GRIK4: variants seen among roughly 807,000 people sequenced by gnomAD.
GRIK4 encodes glutamate ionotropic receptor kainate type subunit 4, also known as glutamate receptor ionotropic, kainate 4.
In GRIK4, 40 loss-of-function variants were observed where a neutral mutation model predicts 104.9. The observed-to-expected ratio is 0.38, with a 90% CI of 0.30 to 0.50. The LOEUF (loss-of-function observed/expected upper bound fraction) is 0.50. Ranked by LOEUF, GRIK4 falls within the 20% of genes least tolerant of loss-of-function variation. GRIK4 has a pLI of 0.93. For missense variants in GRIK4, 1,047 were observed against 1,308.1 expected (o/e 0.80, Z 3.08); for synonymous variants, 485 against 524.9 (o/e 0.92, Z 1.04).
chr11:120,896,143 C>T (rs1345665665), intron 11 of GRIK4, among the ~76,000 whole-genome samples: 1 of 152,200 alleles, frequency 6.6e-6, no homozygotes, highest in Admixed American at 6.5e-5. Flanking sequence ...ACAGGCTGCT[C>T]ATGGGGAAGA....
intron 6 of GRIK4, among the ~76,000 whole-genome samples, chr11:120,831,080 CT>C (rs1316351563): frequency 2.6e-5 from 4 of 152,074 alleles, no homozygotes; most frequent in African/African-American, 9.7e-5. Flanking sequence ...TGCACAGTCC[CT>C]TTTTTCTGTT....
In GRIK4 at chr11:120,902,887, CTA is replaced by C. The variant is rs567414284; in HGVS notation, c.1273-2401_1273-2400del. On this transcript the variant is annotated intron_variant, in intron 12 of 20. Coordinates refer to ENST00000527524, the MANE Select transcript of GRIK4 (RefSeq NM_014619.5). This position sits in a 1 kb window ranked among gnomAD's most constrained non-coding sequence, Gnocchi z 4.5. ...TGTGTGGAAGGCAGGCTGACCGTTC[CTA>C]TCTCATTGACGTGACAGTGGACTCA... Among the ~76,000 whole-genome samples the C allele has an allele frequency of 3.6e-4, 55 of 152,230 alleles. No individual in the cohort carries two copies. The highest frequency in any genetic ancestry group is 1.7e-3 in the South Asian group (8 of 4,824).
At chr11:120,656,063 G>A (rs1949705914) in intron 2 of GRIK4, among the ~76,000 whole-genome samples, 1 of 152,316 alleles carries the variant, frequency 6.6e-6, no homozygotes, top group East Asian at 1.9e-4. Context: ...GAGCAACCTG[G>A]TGCTCTAACT....
At chr11:120,747,400 C>A (rs368772907) in intron 3 of GRIK4, among the ~76,000 whole-genome samples, 1 of 152,188 alleles carries the variant, frequency 6.6e-6, no homozygotes, top group Admixed American at 6.5e-5. Context: ...TCTCCTCCCC[C>A]GCTAGGGTGT....
At chr11:120,534,606 G>A (rs1388470204) in intron 1 of GRIK4, among the ~76,000 whole-genome samples, 5 of 152,210 alleles carry the variant, frequency 3.3e-5, no homozygotes, top group African/African-American at 9.7e-5. Context: ...TAGAATGGGG[G>A]ATAGTCCATG....
At chr11:120,674,796 A>T (rs568122737) in intron 3 of GRIK4, among the ~76,000 whole-genome samples, 16 of 152,376 alleles carry the variant, frequency 1.1e-4, no homozygotes, top group African/African-American at 3.8e-4. Flanking sequence ...GGGCCCCCAC[A>T]GGAATCTCTG....
rs769032108 is a variant in GRIK4, at chr11:120,769,698, G to A, written c.83-32995G>A. Among the ~76,000 whole-genome samples the A allele has an allele frequency of 4.2e-4, 64 of 152,168 alleles. 1 individual carries two copies. The highest frequency in any genetic ancestry group is 1.9e-4 in the Non-Finnish European group (13 of 68,016). ...TAATAAGAGCTCATTCCTGGAGCGT[G>A]GTTTCAGTCCCTAAATTATGTTGCT... On this transcript the variant is annotated intron_variant, in intron 3 of 20. Transcript: ENST00000527524.
rs1484342919 is a variant in GRIK4 at position 120,524,045 on chromosome 11, G to A, written c.-159+12158G>A. On this transcript the variant is annotated intron_variant, in intron 1 of 20. Coordinates refer to ENST00000527524, the MANE Select transcript of GRIK4 (RefSeq NM_014619.5). The surrounding 1 kb of genome is among the most constrained non-coding windows in gnomAD (Gnocchi z 4.5). ...AGGTTCAAGTGATTCCCCTGCCTCA[G>A]CCTCCCGAGTAGCTGGGACTACAGG... Among the ~76,000 whole-genome samples the A allele has an allele frequency of 1.3e-5, 2 of 151,750 alleles. No homozygotes were observed. The highest frequency in any genetic ancestry group is 4.8e-5 in the African/African-American group (2 of 41,252).
chr11:120,520,311 C>T (rs1161285587), intron 1 of GRIK4, among the ~76,000 whole-genome samples: 3 of 152,242 alleles, frequency 2.0e-5, no homozygotes, highest in East Asian at 1.9e-4. Context: ...TCAGCAGGCG[C>T]GGAGAATGAG....
intron 1 of GRIK4, among the ~76,000 whole-genome samples, chr11:120,627,366 G>A (rs982399746): frequency 7.2e-5 from 11 of 152,238 alleles, no homozygotes; most frequent in Admixed American, 6.5e-4. Flanking sequence ...ACCAGGCTAG[G>A]AGTGGAAACC....
intron 1 of GRIK4, among the ~76,000 whole-genome samples, chr11:120,525,569 C>G (rs942671372): frequency 3.9e-5 from 6 of 152,182 alleles, no homozygotes; most frequent in Admixed American, 3.9e-4. Context: ...AGGGGTGTTA[C>G]AGAAACCATA....
chr11:120,953,506 C>T lies in GRIK4; in HGVS notation c.1700+542C>T, dbSNP rs986331594. Among the ~76,000 whole-genome samples the T allele has an allele frequency of 6.6e-6, 1 of 152,174 alleles. No individual in the cohort carries two copies. The highest frequency in any genetic ancestry group is 2.4e-5 in the African/African-American group (1 of 41,426). ...GGCCTGCCTCTGAAAACACAGCTGCCTTGTCGAATGGGAACCATGGAGGCT... is the reference window on the plus strand; with the variant it reads ...GGCCTGCCTCTGAAAACACAGCTGCTTTGTCGAATGGGAACCATGGAGGCT... On this transcript the variant is annotated intron_variant, in intron 15 of 20. Coordinates refer to ENST00000527524, the MANE Select transcript of GRIK4 (RefSeq NM_014619.5). The surrounding 1 kb of genome is among the most constrained non-coding windows in gnomAD (Gnocchi z 4.9).
At chr11:120,898,906 G>A (rs1942658722) in intron 12 of GRIK4, among the ~76,000 whole-genome samples, 1 of 152,196 alleles carries the variant, frequency 6.6e-6, no homozygotes, top group Non-Finnish European at 1.5e-5. Flanking sequence ...TGGGGCAACT[G>A]TGCAGGAGGA....
chr11:120,831,940 C>T lies in GRIK4; in HGVS notation c.600C>T (p.Pro200=), dbSNP rs1178794637. 3.1e-6 allele frequency: 5 copies of T among 1,613,814 alleles called. No homozygotes were observed. The highest frequency in any genetic ancestry group is 4.2e-6 in the Non-Finnish European group (5 of 1,179,890). ...SVRMLDDTRD[P]TPLLKEIRDD... ...GCATGCTGGATGACACCCGGGACCC[C>T]ACCCCGCTCCTCAAGGAGATCCGGG... is the stretch of plus-strand genomic sequence containing the variant. The change falls in exon 7 of 21, where the codon CCC becomes CCT. Residue 200 remains proline (P), a synonymous_variant. Transcript: ENST00000527524.
At chr11:120,736,424 A>C in intron 3 of GRIK4, among the ~76,000 whole-genome samples, 1 of 139,152 alleles carries the variant, frequency 7.2e-6, no homozygotes, top group East Asian at 2.0e-4. Flanking sequence ...TCCCTTGGTC[A>C]CTTCGACTGG....
At chr11:120,750,433 C>G (rs1951530104) in intron 3 of GRIK4, among the ~76,000 whole-genome samples, 1 of 129,552 alleles carries the variant, frequency 7.7e-6, no homozygotes, top group African/African-American at 3.0e-5. Flanking sequence ...GTGGTGTGAT[C>G]TGAGGTCACT....
chr11:120,820,545 C>T (rs1388174911), intron 6 of GRIK4, among the ~76,000 whole-genome samples: 5 of 152,230 alleles, frequency 3.3e-5, no homozygotes, highest in African/African-American at 1.2e-4. Flanking sequence ...CCAGCACCTT[C>T]CAGCAAATCT....
chr11:120,852,579 G>C (rs1047687599), intron 8 of GRIK4, among the ~76,000 whole-genome samples: 1 of 152,198 alleles, frequency 6.6e-6, no homozygotes, highest in Non-Finnish European at 1.5e-5. Flanking sequence ...AGAATCCAAA[G>C]CTGGGAGATT....
intron 14 of GRIK4, among the ~76,000 whole-genome samples, chr11:120,950,105 A>G (rs1346061152): frequency 6.6e-6 from 1 of 152,196 alleles, no homozygotes; most frequent in African/African-American, 2.4e-5. Flanking sequence ...TGCAAGACAC[A>G]TACTTCTCTT....
Sources: allele counts gnomAD v4.1 joint callset (sites outside exome capture counted in the v4.1 genomes callset), GRCh38; gene constraint gnomAD v4.1.1; non-coding constraint Gnocchi (gnomAD v3.1); transcripts MANE v1.5; gene names NCBI Gene and HGNC (gene_info 2026-07-23, HGNC 2026-07-21).